Variants in PDE10A observed in about 807,000 individuals in gnomAD.
PDE10A encodes the protein cAMP and cAMP-inhibited cGMP 3',5'-cyclic phosphodiesterase 10A.
A neutral mutation model predicts 97.7 loss-of-function variants in PDE10A; 39 were observed. The ratio of observed to expected loss-of-function variants is 0.40; its 90% CI spans 0.31 to 0.52. PDE10A has a LOEUF of 0.52. Ranked by LOEUF, PDE10A falls within the 20% of genes least tolerant of loss-of-function variation. The pLI is 0.56. For missense variants in PDE10A, 731 were observed against 1,047.8 expected (o/e 0.70, Z 4.17); for synonymous variants, 371 against 376.8 (o/e 0.98, Z 0.18).
At chr6:165,721,860 C>T (rs1452357091) in intron 1 of PDE10A, among the ~76,000 whole-genome samples, 2 of 152,192 alleles carry the variant, frequency 1.3e-5, no homozygotes, top group South Asian at 2.1e-4. Flanking sequence ...AATGAAGAGA[C>T]GCTAAGACGG....
At chr6:165,978,148 G>T (rs1235552303) in intron 1 of PDE10A, among the ~76,000 whole-genome samples, 2 of 152,130 alleles carry the variant, frequency 1.3e-5, no homozygotes, top group African/African-American at 4.8e-5. Context: ...ACATCTTGGT[G>T]TTTATTTATG....
intron 13 of PDE10A, among the ~76,000 whole-genome samples, chr6:165,397,458 C>T (rs1786257422): frequency 6.6e-6 from 1 of 151,944 alleles, no homozygotes; most frequent in Non-Finnish European, 1.5e-5. Flanking sequence ...CCTTGTAATC[C>T]CAGCACTTTT....
chr6:165,762,783 C>T (rs1229833609), intron 1 of PDE10A, among the ~76,000 whole-genome samples: 1 of 152,168 alleles, frequency 6.6e-6, no homozygotes, highest in African/African-American at 2.4e-5. Flanking sequence ...ATTTGGCTTT[C>T]TCTAGCCCAT....
intron 1 of PDE10A, among the ~76,000 whole-genome samples, chr6:165,681,972 G>A (rs1365431260): frequency 6.6e-6 from 1 of 152,148 alleles, no homozygotes; most frequent in Non-Finnish European, 1.5e-5. Flanking sequence ...ACAGAACAGT[G>A]GGTGAAATTT....
At chr6:165,924,635 A>T (rs1189316579) in intron 1 of PDE10A, among the ~76,000 whole-genome samples, 3 of 152,236 alleles carry the variant, frequency 2.0e-5, no homozygotes, top group African/African-American at 7.2e-5. Flanking sequence ...CGAGCACCAG[A>T]GAATACTAGT....
chr6:165,337,602 G>C (rs1781727323), intron 20 of PDE10A, among the ~76,000 whole-genome samples: 1 of 152,116 alleles, frequency 6.6e-6, no homozygotes, highest in Non-Finnish European at 1.5e-5. Context: ...CATTATTATG[G>C]CAAATAATTT....
intron 1 of PDE10A, among the ~76,000 whole-genome samples, chr6:165,875,277 C>T (rs368120957): frequency 8.5e-5 from 13 of 152,230 alleles, no homozygotes; most frequent in East Asian, 7.7e-4. Flanking sequence ...AAATGGACCA[C>T]AGTATGAACA....
chr6:165,883,534 C>T (rs1436142207), intron 1 of PDE10A, among the ~76,000 whole-genome samples: 9 of 123,972 alleles, frequency 7.3e-5, no homozygotes, highest in South Asian at 2.9e-4. Context: ...ATTGAGACTC[C>T]GTCTCAAAAA....
At chr6:165,958,565 GACAGACA>G (rs1562327321) in intron 1 of PDE10A, among the ~76,000 whole-genome samples, 10 of 9,494 alleles carry the variant, frequency 1.1e-3, no homozygotes, top group African/African-American at 2.3e-3. Context: ...AAGAAAGAAA[GACAGACA>G]GAAAGAAAGA....
At chr6:165,650,827 C>T (rs3008051) in intron 1 of PDE10A, among the ~76,000 whole-genome samples, 84,539 of 151,580 alleles carry the variant, frequency 0.56, 23,924 homozygotes, top group Middle Eastern at 0.71. Context: ...AACCTCCACC[C>T]CCTGGGTTCA....
chr6:165,771,929 G>C (rs537107456), intron 1 of PDE10A, among the ~76,000 whole-genome samples: 2 of 152,332 alleles, frequency 1.3e-5, no homozygotes, highest in East Asian at 3.9e-4. Context: ...CGGGGCACCA[G>C]AAGGCTCTGG....
intron 19 of PDE10A, among the ~76,000 whole-genome samples, chr6:165,341,712 C>T (rs1290476444): frequency 6.6e-6 from 1 of 152,166 alleles, no homozygotes; most frequent in Non-Finnish European, 1.5e-5. Flanking sequence ...CTTTTCTCTG[C>T]TTCTTGGGAG....
chr6:165,509,641 T>C (rs568284353), intron 2 of PDE10A, among the ~76,000 whole-genome samples: 30 of 152,032 alleles, frequency 2.0e-4, no homozygotes, highest in Middle Eastern at 3.4e-3. Flanking sequence ...AAGGATTGCA[T>C]TGAATCTGTA....
chr6:165,558,913 G>T (rs578133594), intron 1 of PDE10A, among the ~76,000 whole-genome samples: 9 of 151,938 alleles, frequency 5.9e-5, no homozygotes, highest in Non-Finnish European at 8.8e-5. Flanking sequence ...TAGCAAACCT[G>T]CACGTTGTGC....
At chr6:165,966,958 G>T (rs566840672) in intron 1 of PDE10A, among the ~76,000 whole-genome samples, 8 of 152,274 alleles carry the variant, frequency 5.3e-5, no homozygotes, top group African/African-American at 1.9e-4. Context: ...GGAAATGAGG[G>T]TAATACACTA....
chr6:165,458,902 G>A (rs747233149), intron 3 of PDE10A, among the ~76,000 whole-genome samples: 3 of 152,024 alleles, frequency 2.0e-5, no homozygotes, highest in Non-Finnish European at 4.4e-5. Flanking sequence ...TCCCAAAAAT[G>A]TCCTATAAAG....
intron 2 of PDE10A, among the ~76,000 whole-genome samples, chr6:165,500,685 G>A (rs1221104255): frequency 6.6e-6 from 1 of 152,066 alleles, no homozygotes; most frequent in Non-Finnish European, 1.5e-5. Context: ...GGTCTGTGCT[G>A]AGGAAGATAA....
chr6:165,424,840 TA>T (rs1475069988), intron 10 of PDE10A, among the ~76,000 whole-genome samples: 2 of 152,134 alleles, frequency 1.3e-5, no homozygotes, highest in Non-Finnish European at 2.9e-5. Flanking sequence ...AAATAGCTTA[TA>T]AAAATTTGAT....
chr6:165,905,998 TCCTTCCTTCCTTCCTTCCCTCCCTC>T (rs1782254765), intron 1 of PDE10A, among the ~76,000 whole-genome samples: 1 of 56,556 alleles, frequency 1.8e-5, no homozygotes, highest in Non-Finnish European at 3.4e-5. Context: ...CTTCCTTCCT[TCCTTCCTTCCTTCCTTCCCTCCCTC>T]CCTTCCTTCC....
Sources: gnomAD v4.1 joint callset for allele counts (sites outside exome capture counted in the v4.1 genomes callset) on GRCh38, gnomAD v4.1.1 for gene constraint, MANE v1.5 for transcripts, NCBI Gene and HGNC (gene_info 2026-07-23, HGNC 2026-07-21) for gene names.